The following FERMT1 variants were observed in gnomAD, a reference collection of about 807,000 sequenced individuals.
FERMT1 encodes the protein FERM domain containing kindlin 1.
Under a neutral mutation model 85.3 loss-of-function variants are expected in FERMT1, and 60 were observed. The ratio of observed to expected loss-of-function variants is 0.70; its 90% CI spans 0.57 to 0.87. FERMT1 has a LOEUF of 0.87. Among genes scored for constraint, FERMT1 ranks in the 40% least tolerant of loss-of-function variants. The pLI, the probability that FERMT1 is intolerant of heterozygous loss-of-function variation, is 0.00. For missense variants in FERMT1, 701 were observed against 818.9 expected (o/e 0.86, Z 1.76); for synonymous variants, 275 against 301.1 (o/e 0.91, Z 0.90).
chr20:6,108,161 C>T (rs533825438), intron 5 of FERMT1, among the ~76,000 whole-genome samples: 4 of 152,256 alleles, frequency 2.6e-5, no homozygotes, highest in South Asian at 2.1e-4. Context: ...CCACTGTGCA[C>T]GGCCTCGCTG....
rs575171976 is a variant in FERMT1 at position 6,104,357 on chromosome 20, T to C, written c.849+3175A>G. Reference sequence around the variant, plus strand: ...TGTAAATTTGCAGTGGCTTCATGGGTGTTCTTTCTTCTTCTTAGATTTGAT... The same window carrying C: ...TGTAAATTTGCAGTGGCTTCATGGGCGTTCTTTCTTCTTCTTAGATTTGAT... On this transcript the variant is annotated intron_variant, in intron 6 of 14. Transcript: ENST00000217289. The surrounding 1 kb of genome is among the most constrained non-coding windows in gnomAD (Gnocchi z 4.2). Among the ~76,000 whole-genome samples the C allele has an allele frequency of 6.6e-6, 1 of 152,248 alleles. No homozygotes were observed. Among genetic ancestry groups the C allele is most frequent in the African/African-American group, 2.4e-5 (1 of 41,544 alleles).
At chr20:6,121,811 C>T (rs568278742) in intron 1 of FERMT1, among the ~76,000 whole-genome samples, 1 of 152,300 alleles carries the variant, frequency 6.6e-6, no homozygotes, top group South Asian at 2.1e-4. Context: ...GATAATGTTG[C>T]AATGCCAAAA....
At chr20:6,091,082 G>A (rs2123109908) in intron 9 of FERMT1, among the ~76,000 whole-genome samples, 1 of 151,678 alleles carries the variant, frequency 6.6e-6, no homozygotes, top group East Asian at 2.0e-4. Context: ...AGGATTGCTT[G>A]AATTCAGGAG....
At chr20:6,106,925 C>T (rs554512833) in intron 6 of FERMT1, among the ~76,000 whole-genome samples, 21 of 152,132 alleles carry the variant, frequency 1.4e-4, no homozygotes, top group Non-Finnish European at 2.4e-4. Flanking sequence ...TGGCCAGATG[C>T]GATGGCTCAT....
At chr20:6,119,883 A>G (rs1421606574) in intron 1 of FERMT1, among the ~76,000 whole-genome samples, 1 of 152,108 alleles carries the variant, frequency 6.6e-6, no homozygotes, top group African/African-American at 2.4e-5. Flanking sequence ...TTTTCTCTCT[A>G]TTGACTTCTT....
intron 5 of FERMT1, among the ~76,000 whole-genome samples, chr20:6,108,027 G>C (rs368866063): frequency 6.6e-6 from 1 of 152,092 alleles, no homozygotes; most frequent in African/African-American, 2.4e-5. Flanking sequence ...CACCATGCCC[G>C]GCTAAATTTT....
At chr20:6,099,404 GAAA>G (rs200572377) in intron 6 of FERMT1, among the ~76,000 whole-genome samples, 4 of 111,772 alleles carry the variant, frequency 3.6e-5, no homozygotes, top group African/African-American at 7.0e-5. Flanking sequence ...AGACTGTCTC[GAAA>G]AAAAAAAAAA....
Position 6,097,020 on chromosome 20 carries a change from T to C in FERMT1, c.971A>G (p.Lys324Arg). 2 of 1,613,992 alleles carry C rather than the reference T, an allele frequency of 1.2e-6. No homozygotes were observed. Among genetic ancestry groups the C allele is most frequent in the Non-Finnish European group, 1.7e-6 (2 of 1,179,876 alleles). The change falls in exon 8 of 15, where the codon AAA becomes AGA. Residue 324 changes from lysine (K) to arginine (R), a missense_variant. By Grantham distance (26) the Lys-to-Arg change is conservative (BLOSUM62 2). Transcript: ENST00000217289. ...IFAALQYHIS[K>R]LSLSAETQDF... ...CTGTGTTTCAGCAGACAACGACAGTTTGCTAATGTGGTACTAAAATGAAAA... is the reference window on the plus strand; with the variant it reads ...CTGTGTTTCAGCAGACAACGACAGTCTGCTAATGTGGTACTAAAATGAAAA...
chr20:6,102,093 T>A (rs908545852), intron 6 of FERMT1, among the ~76,000 whole-genome samples: 8 of 151,924 alleles, frequency 5.3e-5, no homozygotes, highest in African/African-American at 1.9e-4. Context: ...AGTGGTGCAA[T>A]CATAGCTCAC....
intron 12 of FERMT1, among the ~76,000 whole-genome samples, chr20:6,084,402 C>T (rs1484679124): frequency 1.3e-5 from 2 of 152,174 alleles, no homozygotes; most frequent in African/African-American, 4.8e-5. Context: ...AGTTGGAGAG[C>T]TCTGGGGTCC....
chr20:6,107,932 C>T (rs531564376), intron 5 of FERMT1, among the ~76,000 whole-genome samples: 1 of 152,332 alleles, frequency 6.6e-6, no homozygotes, highest in South Asian at 2.1e-4. Flanking sequence ...GTGGTGCAGT[C>T]TCGGCTCACT....
intron 13 of FERMT1, among the ~76,000 whole-genome samples, chr20:6,081,560 G>A (rs1453096464): frequency 2.6e-5 from 4 of 152,184 alleles, no homozygotes; most frequent in South Asian, 2.1e-4. Context: ...ATGACAGAAA[G>A]TAGCAGGGGC....
At chr20:6,100,506 A>G (rs1460473055) in intron 6 of FERMT1, among the ~76,000 whole-genome samples, 1 of 152,150 alleles carries the variant, frequency 6.6e-6, no homozygotes, top group Admixed American at 6.5e-5. Context: ...CGGTGATGAA[A>G]ATGTTCTGAA....
intron 8 of FERMT1, 100 bp downstream of exon 8, chr20:6,096,802 C>CAAAA: frequency 4.2e-6 from 1 of 237,458 alleles, no homozygotes; most frequent in Non-Finnish European, 6.9e-6. Flanking sequence ...TTTTTTTTTT[C>CAAAA]AAAATCAGAT....
In FERMT1 at chr20:6,097,583, T is replaced by C. The variant is rs780949811; in HGVS notation, c.898A>G (p.Ile300Val). ...NQLYEQARWAILLEEIDCTEE... is the reference protein window; with the variant it reads ...NQLYEQARWAVLLEEIDCTEE... ...GTGCAATCAATTTCTTCTAAGAGAATGGCCCACCTGGCTTGCTCATAGAGT... is the reference window on the plus strand; with the variant it reads ...GTGCAATCAATTTCTTCTAAGAGAACGGCCCACCTGGCTTGCTCATAGAGT... The change falls in exon 7 of 15, where the codon ATT (isoleucine) becomes GTT (valine). Residue 300 changes from isoleucine (I) to valine (V), a missense_variant. By Grantham distance (29) the Ile-to-Val change is conservative (BLOSUM62 3). Transcript: ENST00000217289. 64 of 1,613,974 alleles carry C rather than the reference T, an allele frequency of 4.0e-5. 1 individual carries two copies. In the East Asian group the frequency reaches 1.3e-3, roughly 33 times the overall value.
At chr20:6,091,190 G>T (rs1204143798) in intron 9 of FERMT1, among the ~76,000 whole-genome samples, 2 of 151,476 alleles carry the variant, frequency 1.3e-5, no homozygotes, top group Non-Finnish European at 2.9e-5. Context: ...CCAAAAAATT[G>T]GTATTTATCA....
At chr20:6,103,897 T>A (rs983539122) in intron 6 of FERMT1, among the ~76,000 whole-genome samples, 2 of 151,584 alleles carry the variant, frequency 1.3e-5, no homozygotes, top group African/African-American at 4.8e-5. Context: ...TGAGACAGAG[T>A]TTTGCTCTCA....
At chr20:6,112,439 G>A (rs377235501) in intron 4 of FERMT1, 38 bp downstream of exon 4, 3 of 1,602,794 alleles carry the variant, frequency 1.9e-6, no homozygotes, top group African/African-American at 2.7e-5. Flanking sequence ...GAGTTTTACT[G>A]TACGTTCAAA....
At chr20:6,095,059 C>G (rs558657858) in intron 8 of FERMT1, 71 bp from the exon 9 acceptor site, 8 of 828,742 alleles carry the variant, frequency 9.7e-6, no homozygotes, top group African/African-American at 1.7e-5. Context: ...CCTGCACTGT[C>G]TAATATGGCA....
Sources: allele counts gnomAD v4.1 joint callset (sites outside exome capture counted in the v4.1 genomes callset), GRCh38; gene constraint gnomAD v4.1.1; non-coding constraint Gnocchi (gnomAD v3.1); transcripts MANE v1.5; gene names NCBI Gene and HGNC (gene_info 2026-07-23, HGNC 2026-07-21).